Variants in DLG2 observed in about 807,000 individuals in gnomAD.
The protein encoded by DLG2 is disks large homolog 2.
A neutral mutation model predicts 132.5 loss-of-function variants in DLG2; 45 were observed. The ratio of observed to expected loss-of-function variants is 0.34; its 90% CI spans 0.27 to 0.44. The LOEUF (loss-of-function observed/expected upper bound fraction) is 0.44. DLG2 is among the 20% of genes least tolerant of loss of function. The pLI is 1.00. For missense variants in DLG2, 1,045 were observed against 1,196.9 expected, an observed-to-expected ratio of 0.87 and a Z score of 1.87; for synonymous variants, 424 against 419.6, an observed-to-expected ratio of 1.01 and a Z score of -0.13.
intron 3 of DLG2, among the ~76,000 whole-genome samples, chr11:85,499,100 G>C (rs759822704): frequency 6.6e-6 from 1 of 152,092 alleles, no homozygotes; most frequent in East Asian, 1.9e-4. Flanking sequence ...ACTAAGATCA[G>C]AGCAGAACTG....
intron 19 of DLG2, among the ~76,000 whole-genome samples, chr11:83,543,238 G>T (rs1277142818): frequency 6.6e-6 from 1 of 152,150 alleles, no homozygotes; most frequent in Non-Finnish European, 1.5e-5. Context: ...CAAAGGCTCA[G>T]ACAAAGTACC....
At chr11:84,487,202 A>C (rs557112529) in intron 7 of DLG2, among the ~76,000 whole-genome samples, 3 of 152,172 alleles carry the variant, frequency 2.0e-5, no homozygotes, top group Non-Finnish European at 1.5e-5. Flanking sequence ...TCTGAAAGTT[A>C]TAATTTGTTT....
intron 6 of DLG2, among the ~76,000 whole-genome samples, chr11:84,748,900 T>C (rs749880093): frequency 1.3e-5 from 2 of 152,236 alleles, no homozygotes; most frequent in Non-Finnish European, 2.9e-5. Context: ...CTGGGTGTTA[T>C]GGCTCACGCC....
At chr11:83,753,126 A>T (rs762824262) in intron 18 of DLG2, among the ~76,000 whole-genome samples, 1 of 152,218 alleles carries the variant, frequency 6.6e-6, no homozygotes, top group Non-Finnish European at 1.5e-5. Flanking sequence ...ATAAGGAATA[A>T]AACTCAGATC....
chr11:83,843,793 C>G (rs1431972444), intron 16 of DLG2, among the ~76,000 whole-genome samples: 2 of 152,028 alleles, frequency 1.3e-5, no homozygotes, highest in Non-Finnish European at 2.9e-5. Context: ...CTAAAGGCAT[C>G]TAGAAAACTG....
chr11:84,995,430 C>T (rs759553560), intron 6 of DLG2, among the ~76,000 whole-genome samples: 1 of 152,132 alleles, frequency 6.6e-6, no homozygotes, highest in Non-Finnish European at 1.5e-5. Flanking sequence ...CTCATCATAG[C>T]TCTTATAATC....
intron 11 of DLG2, among the ~76,000 whole-genome samples, chr11:84,041,878 G>A (rs2096092491): frequency 6.6e-6 from 1 of 151,850 alleles, no homozygotes; most frequent in South Asian, 2.1e-4. Context: ...TCTTTCCTGT[G>A]ATGTTCTTGT....
At chr11:84,448,117 G>T (rs2099040885) in intron 7 of DLG2, among the ~76,000 whole-genome samples, 2 of 151,994 alleles carry the variant, frequency 1.3e-5, no homozygotes, top group Non-Finnish European at 2.9e-5. Flanking sequence ...TCCAAAGCAT[G>T]CAAAAAACAC....
chr11:83,539,628 T>C (rs981461231), intron 20 of DLG2, among the ~76,000 whole-genome samples: 14 of 151,292 alleles, frequency 9.3e-5, no homozygotes, highest in Non-Finnish European at 2.1e-4. Context: ...CAGAAATGTA[T>C]TTACAGCTAT....
chr11:84,140,606 T>G (rs2094800443), intron 9 of DLG2, among the ~76,000 whole-genome samples: 1 of 152,170 alleles, frequency 6.6e-6, no homozygotes, highest in African/African-American at 2.4e-5. Context: ...AGGGCAATGT[T>G]ACGGAGCTTT....
chr11:85,621,131 G>C (rs1245782173), intron 2 of DLG2, among the ~76,000 whole-genome samples: 1 of 151,820 alleles, frequency 6.6e-6, no homozygotes, highest in Non-Finnish European at 1.5e-5. Context: ...TCTAAAAGTA[G>C]GTCAACAAAA....
At chr11:83,690,690 G>A (rs544696063) in intron 18 of DLG2, among the ~76,000 whole-genome samples, 1 of 150,252 alleles carries the variant, frequency 6.7e-6, no homozygotes, top group Non-Finnish European at 1.5e-5. Flanking sequence ...GTGGGGGTGG[G>A]GGGGGTGTCT....
chr11:84,299,864 G>A (rs570502423), intron 7 of DLG2, among the ~76,000 whole-genome samples: 2 of 152,150 alleles, frequency 1.3e-5, no homozygotes, highest in African/African-American at 4.8e-5. Flanking sequence ...TCATGCTGCA[G>A]GTATGTTGTT....
At chr11:84,467,576 G>T (rs2099097786) in intron 7 of DLG2, among the ~76,000 whole-genome samples, 1 of 151,276 alleles carries the variant, frequency 6.6e-6, no homozygotes, top group African/African-American at 2.4e-5. Context: ...CAGTGGCATA[G>T]GAGAAAGTTG....
At chr11:83,989,376 C>T (rs2093570283) in intron 11 of DLG2, among the ~76,000 whole-genome samples, 1 of 152,120 alleles carries the variant, frequency 6.6e-6, no homozygotes, top group Admixed American at 6.6e-5. Context: ...TATCTATTAT[C>T]TAGCAATAAT....
intron 6 of DLG2, among the ~76,000 whole-genome samples, chr11:85,087,314 G>A (rs1282254011): frequency 1.3e-5 from 2 of 152,196 alleles, no homozygotes; most frequent in African/African-American, 4.8e-5. Flanking sequence ...GCCCCTAGGA[G>A]GAATCCCATG....
chr11:83,741,903 T>C (rs2092549747), intron 18 of DLG2, among the ~76,000 whole-genome samples: 1 of 151,648 alleles, frequency 6.6e-6, no homozygotes, highest in African/African-American at 2.4e-5. Flanking sequence ...TAGTTCCAGC[T>C]ACTTGGGAGG....
At chr11:83,483,142 G>A (rs1465112397) in intron 22 of DLG2, 4 of 838,498 alleles carry the variant, frequency 4.8e-6, no homozygotes, top group African/African-American at 3.4e-5. Flanking sequence ...AATAAAACTC[G>A]TATCTTGTGC....
At chr11:84,844,085 GTATATATATATATATATGTT>G (rs1566124106) in intron 6 of DLG2, among the ~76,000 whole-genome samples, 8,167 of 92,968 alleles carry the variant, frequency 0.088, 640 homozygotes, top group African/African-American at 0.22. Flanking sequence ...GTGTGTGTGT[GTATATATATATATATATGTT>G]TGTGTGTGTG....
Sources: gnomAD v4.1 joint callset for allele counts (sites outside exome capture counted in the v4.1 genomes callset) on GRCh38, gnomAD v4.1.1 for gene constraint, MANE v1.5 for transcripts, NCBI Gene and HGNC (gene_info 2026-07-23, HGNC 2026-07-21) for gene names.